The following QNG1 variants were observed in gnomAD, a reference collection of about 807,000 sequenced individuals.
The protein encoded by QNG1 is Q-nucleotide N-glycosylase 1.
chr9:83,956,188 C>T, the QNG1 span: 1 of 1,611,858 alleles, frequency 6.2e-7, no homozygotes, highest in Non-Finnish European at 8.5e-7. Context: ...CTGTTGACGG[C>T]GGCGCACAGG....
chr9:83,943,331 CAAAAAAAAAAAAAA>C, the QNG1 span, among the ~76,000 whole-genome samples: 948 of 62,530 alleles, frequency 0.015, 39 homozygotes, highest in East Asian at 0.069. Context: ...CAGAGCGTCT[CAAAAAAAAAAAAAA>C]AAAAAAAAAA....
At chr9:83,947,083 A>C in the QNG1 span, among the ~76,000 whole-genome samples, 2 of 152,140 alleles carry the variant, frequency 1.3e-5, no homozygotes, top group East Asian at 3.9e-4. Flanking sequence ...CAACACCCCA[A>C]AAACACTCTG....
At chr9:83,951,491 G>T in the QNG1 span, among the ~76,000 whole-genome samples, 1 of 152,178 alleles carries the variant, frequency 6.6e-6, no homozygotes, top group Non-Finnish European at 1.5e-5. Context: ...AACCCGGGAG[G>T]CAGAGGTTGC....
At chr9:83,949,873 G>C in the QNG1 span, among the ~76,000 whole-genome samples, 2 of 151,660 alleles carry the variant, frequency 1.3e-5, no homozygotes, top group East Asian at 1.9e-4. Context: ...TAAAATCAGT[G>C]CTAGCATCTA....
chr9:83,946,629 G>A, the QNG1 span, among the ~76,000 whole-genome samples: 550 of 152,286 alleles, frequency 3.6e-3, 1 homozygote, highest in Middle Eastern at 6.8e-3. Context: ...GCTTACACTT[G>A]TAATCCCATC....
chr9:83,944,699 CT>C, the QNG1 span: 1,203 of 932,436 alleles, frequency 1.3e-3, no homozygotes, highest in Admixed American at 1.5e-3. Flanking sequence ...ATAAATAGTA[CT>C]TTTTTTTTAA....
At chr9:83,952,219 A>G in the QNG1 span, among the ~76,000 whole-genome samples, 9 of 152,278 alleles carry the variant, frequency 5.9e-5, no homozygotes, top group Non-Finnish European at 1.0e-4. Flanking sequence ...CCTGGGCTCA[A>G]GCAATCCTCT....
chr9:83,944,950 C>A, the QNG1 span: 2 of 1,612,046 alleles, frequency 1.2e-6, no homozygotes, highest in Non-Finnish European at 1.7e-6. Flanking sequence ...GTATCTGCTA[C>A]AAGGATTTGG....
chr9:83,956,094 C>G, the QNG1 span: 2 of 1,511,878 alleles, frequency 1.3e-6, no homozygotes, highest in African/African-American at 1.4e-5. Flanking sequence ...CCTTGGAACT[C>G]CCCTACACAC....
chr9:83,952,712 G>A, the QNG1 span, among the ~76,000 whole-genome samples: 12 of 150,170 alleles, frequency 8.0e-5, no homozygotes, highest in South Asian at 2.1e-4. Flanking sequence ...GGAGAATGGC[G>A]TCAACCCAGG....
the QNG1 span, among the ~76,000 whole-genome samples, chr9:83,948,513 G>T: frequency 3.4e-5 from 4 of 117,394 alleles, no homozygotes; most frequent in Admixed American, 2.6e-4. Flanking sequence ...CTGTCCGGGA[G>T]GGGGGGGGCG....
the QNG1 span, chr9:83,956,294 G>C: frequency 1.2e-6 from 2 of 1,614,094 alleles, no homozygotes; most frequent in Non-Finnish European, 1.7e-6. Context: ...TGTCTGTCAC[G>C]AACACCCAGT....
chr9:83,954,654 G>A, the QNG1 span, among the ~76,000 whole-genome samples: 1 of 151,698 alleles, frequency 6.6e-6, no homozygotes, highest in Non-Finnish European at 1.5e-5. Flanking sequence ...GACCGAGGTG[G>A]GTGGATCACG....
At chr9:83,941,870 G>A in the QNG1 span, among the ~76,000 whole-genome samples, 3 of 151,772 alleles carry the variant, frequency 2.0e-5, no homozygotes, top group Middle Eastern at 3.4e-3. Flanking sequence ...CTGAGATGGC[G>A]CCATTGCACT....
the QNG1 span, chr9:83,939,776 T>C: frequency 2.9e-6 from 4 of 1,399,870 alleles, no homozygotes; most frequent in Non-Finnish European, 4.1e-6. Flanking sequence ...GAAAAATTAA[T>C]AGTCAATGAT....
the QNG1 span, among the ~76,000 whole-genome samples, chr9:83,948,041 C>A: frequency 6.6e-6 from 1 of 151,572 alleles, no homozygotes; most frequent in Admixed American, 6.6e-5. Context: ...CGCCTCTTCC[C>A]GGCTGCCATC....
At chr9:83,948,594 T>G in the QNG1 span, among the ~76,000 whole-genome samples, 4 of 152,174 alleles carry the variant, frequency 2.6e-5, no homozygotes, top group Non-Finnish European at 4.4e-5. Context: ...CTGGGAGGCA[T>G]GCCCAACAGC....
chr9:83,950,772 T>C, the QNG1 span, among the ~76,000 whole-genome samples: 1 of 151,930 alleles, frequency 6.6e-6, no homozygotes, highest in Non-Finnish European at 1.5e-5. Context: ...GTTAATTTTC[T>C]TGTTATTTTG....
At chr9:83,949,417 G>A in the QNG1 span, among the ~76,000 whole-genome samples, 2 of 152,324 alleles carry the variant, frequency 1.3e-5, no homozygotes, top group East Asian at 3.9e-4. Flanking sequence ...GCCGAGGCGG[G>A]TGGATCACCT....
Sources: gnomAD v4.1 joint callset for allele counts (sites outside exome capture counted in the v4.1 genomes callset) on GRCh38, gnomAD v4.1.1 for gene constraint, MANE v1.5 for transcripts, NCBI Gene and HGNC (gene_info 2026-07-23, HGNC 2026-07-21) for gene names.